VWA8: variants seen among roughly 807,000 people sequenced by gnomAD.
VWA8 encodes von Willebrand factor A domain containing 8, also known as von Willebrand factor A domain-containing protein 8.
VWA8 carries 221 observed loss-of-function variants against 241.5 expected under a neutral mutation model. The ratio of observed to expected loss-of-function variants is 0.91; its 90% CI spans 0.82 to 1.02. The LOEUF is 1.02. Among genes scored for constraint, VWA8 ranks in the 50% least tolerant of loss-of-function variants. The pLI, the probability that VWA8 is intolerant of heterozygous loss-of-function variation, is 0.00. For synonymous variants in VWA8, 852 were observed against 827.1 expected (o/e 1.03, Z -0.52); for missense variants, 2,322 against 2,328.7 (o/e 1.00, Z 0.06).
chr13:41,614,317 C>T (rs562740199), intron 38 of VWA8, among the ~76,000 whole-genome samples: 23 of 152,190 alleles, frequency 1.5e-4, no homozygotes, highest in Admixed American at 1.4e-3. Context: ...TCAGACAGTG[C>T]GCACACAGTC....
intron 17 of VWA8, among the ~76,000 whole-genome samples, chr13:41,792,747 A>G (rs1182447180): frequency 2.0e-5 from 3 of 152,054 alleles, no homozygotes; most frequent in African/African-American, 7.2e-5. Flanking sequence ...ATAACTTTGA[A>G]TAAAGATGTA....
chr13:41,931,153 G>GA (rs78987239), intron 2 of VWA8, among the ~76,000 whole-genome samples: 1,557 of 78,596 alleles, frequency 0.02, 29 homozygotes, highest in African/African-American at 0.055. Flanking sequence ...CGTCTCAGGG[G>GA]AAAAAAAAAA....
At chr13:41,895,193 G>A (rs139514174) in intron 4 of VWA8, among the ~76,000 whole-genome samples, 1 of 151,982 alleles carries the variant, frequency 6.6e-6, no homozygotes, top group Non-Finnish European at 1.5e-5. Context: ...CATATCAGGC[G>A]CTTCCAAGTA....
chr13:41,911,987 A>G (rs774239768), intron 3 of VWA8, 51 bp downstream of exon 3: 2 of 1,437,046 alleles, frequency 1.4e-6, no homozygotes, highest in Non-Finnish European at 1.8e-6. Flanking sequence ...ATTTTATTTC[A>G]TAGCTTACAA....
intron 35 of VWA8, among the ~76,000 whole-genome samples, chr13:41,675,681 G>C (rs1028719040): frequency 6.6e-5 from 10 of 152,104 alleles, no homozygotes; most frequent in East Asian, 1.9e-4. Flanking sequence ...TGACCTGGTA[G>C]GAAGTCCTGC....
Position 41,691,855 on chromosome 13 carries a change from T to G in VWA8, c.3740+19A>C, listed in dbSNP as rs56975765. 2,117 of 1,577,632 alleles carry G rather than the reference T, an allele frequency of 1.3e-3. 16 individuals carry two copies. In the African/African-American group the frequency reaches 0.022, roughly 17 times the overall value. On this transcript the variant is annotated intron_variant, in intron 31 of 44. Coordinates refer to ENST00000379310, the MANE Select transcript of VWA8 (RefSeq NM_015058.2). ...CAAATAAGAACTCCAGTTTAAATCC[T>G]CTATAATAAAGAGCTCACCCTTTTT...
At chr13:41,798,399 C>A (rs1393791363) in intron 17 of VWA8, among the ~76,000 whole-genome samples, 2 of 152,142 alleles carry the variant, frequency 1.3e-5, no homozygotes, top group Admixed American at 6.6e-5. Flanking sequence ...TAAGCTCAGT[C>A]TTTAGCTGAA....
At position 41,690,299 on chromosome 13, in the gene VWA8, C is replaced by A. The variant is rs771561020; in HGVS notation, c.3867-24G>T. The A allele has an allele frequency of 1.9e-6, 3 of 1,586,166 alleles. No individual in the cohort carries two copies. The East Asian group carries it at 6.8e-5, about 36-fold the overall frequency. ...TCCTGCAAACAAACAAAACATCTAG[C>A]TTAAGTGAAATTTTTCTTTTTCTAA... is the stretch of plus-strand genomic sequence containing the variant. On this transcript the variant is annotated intron_variant, in intron 32 of 44. Coordinates refer to ENST00000379310, the MANE Select transcript of VWA8 (RefSeq NM_015058.2).
chr13:41,777,737 G>C (rs1187665235), intron 20 of VWA8, among the ~76,000 whole-genome samples: 2 of 152,180 alleles, frequency 1.3e-5, no homozygotes, highest in South Asian at 4.1e-4. Flanking sequence ...GGGCTAGAGT[G>C]ACAGATGTGG....
At chr13:41,754,349 C>T (rs1474409626) in intron 21 of VWA8, among the ~76,000 whole-genome samples, 1 of 152,140 alleles carries the variant, frequency 6.6e-6, no homozygotes, top group Non-Finnish European at 1.5e-5. Context: ...GTGAGACATG[C>T]TGTTTGCCTT....
intron 9 of VWA8, among the ~76,000 whole-genome samples, chr13:41,878,941 G>A (rs1006369740): frequency 1.3e-5 from 2 of 152,100 alleles, no homozygotes; most frequent in African/African-American, 4.8e-5. Context: ...ATTAGACACT[G>A]AATATCTTCT....
At chr13:41,784,721 T>TACACACAC (rs1377246531) in intron 18 of VWA8, among the ~76,000 whole-genome samples, 1 of 64,572 alleles carries the variant, frequency 1.5e-5, no homozygotes, top group Non-Finnish European at 3.6e-5. Flanking sequence ...TATATATATA[T>TACACACAC]ATATATATAC....
chr13:41,919,767 C>T (rs1229998901), intron 2 of VWA8, among the ~76,000 whole-genome samples: 3 of 152,070 alleles, frequency 2.0e-5, no homozygotes. Context: ...ATGCCCCAAC[C>T]CTCCAGCACA....
intron 44 of VWA8, among the ~76,000 whole-genome samples, chr13:41,569,431 T>TAAG (rs1369108514): frequency 6.6e-6 from 1 of 152,190 alleles, no homozygotes; most frequent in Non-Finnish European, 1.5e-5. Flanking sequence ...TTGTAAAAAC[T>TAAG]AAGAAGAATG....
rs1440188044 is a variant in VWA8, at chr13:41,727,582, CAAA to C, written c.2639-272_2639-270del. Among the ~76,000 whole-genome samples, 35 of 152,108 alleles carry C rather than the reference CAAA, an allele frequency of 2.3e-4. No homozygotes were observed. In the East Asian group the frequency reaches 6.8e-3, roughly 29 times the overall value. ...ACATCTAAAAAAAAGCAACCTTGTC[CAAA>C]TGTAGACTTACAGTACTTAAGCCTG... On this transcript the variant is annotated intron_variant, in intron 23 of 44. Transcript: ENST00000379310.
intron 31 of VWA8, among the ~76,000 whole-genome samples, 172 bp from the exon 32 acceptor site, chr13:41,691,617 T>C (rs1412465179): frequency 2.0e-5 from 3 of 152,148 alleles, no homozygotes; most frequent in African/African-American, 7.2e-5. Context: ...TTCTAAACTA[T>C]GTCAGGGTGT....
rs866250841 is a variant in VWA8, at chr13:41,780,279, C to A, written c.2278-2223G>T. ...CATGGCTTCAATGACCAGCTCTACA[C>A]CAATCTTCAACAGCAAAACTCCTCC... On this transcript the variant is annotated intron_variant, in intron 19 of 44. Transcript: ENST00000379310. Among the ~76,000 whole-genome samples the A allele has an allele frequency of 1.3e-4, 20 of 152,278 alleles. No homozygotes were observed. In the Middle Eastern group the frequency reaches 0.02, roughly 155 times the overall value.
At chr13:41,953,789 A>G (rs1193531223) in intron 1 of VWA8, among the ~76,000 whole-genome samples, 1 of 152,214 alleles carries the variant, frequency 6.6e-6, no homozygotes, top group Non-Finnish European at 1.5e-5. Flanking sequence ...AGCCTGGGCA[A>G]CAAGAGTGAA....
intron 21 of VWA8, among the ~76,000 whole-genome samples, chr13:41,732,458 C>A (rs112667579): frequency 1.6e-4 from 24 of 151,262 alleles, no homozygotes; most frequent in African/African-American, 4.4e-4. Flanking sequence ...AAAATTACCA[C>A]CTGAGGGTGA....
Sources: allele counts gnomAD v4.1 joint callset (sites outside exome capture counted in the v4.1 genomes callset), GRCh38; gene constraint gnomAD v4.1.1; transcripts MANE v1.5; gene names NCBI Gene and HGNC (gene_info 2026-07-23, HGNC 2026-07-21).